Variants in ITGA8 observed in about 807,000 individuals in gnomAD.
The protein encoded by ITGA8 is integrin subunit alpha 8.
In ITGA8, 91 loss-of-function variants were observed where a neutral mutation model predicts 142.3. The observed-to-expected ratio is 0.64, with a 90% CI of 0.54 to 0.76. The LOEUF is 0.76. ITGA8 is among the 30% of genes least tolerant of loss of function. The pLI is 0.00. For synonymous variants in ITGA8, 505 were observed against 485.2 expected, an observed-to-expected ratio of 1.04 and a Z score of -0.54; for missense variants, 1,406 against 1,327.7, an observed-to-expected ratio of 1.06 and a Z score of -0.92.
chr10:15,718,572 G>A (rs1835496343), intron 2 of ITGA8, among the ~76,000 whole-genome samples, 194 bp downstream of exon 2: 2 of 152,150 alleles, frequency 1.3e-5, no homozygotes, highest in African/African-American at 4.8e-5. Context: ...TTTCTCTAGG[G>A]TTCACTAAAC....
intron 25 of ITGA8, among the ~76,000 whole-genome samples, chr10:15,565,865 C>T (rs1428263385): frequency 6.6e-6 from 1 of 151,928 alleles, no homozygotes; most frequent in Non-Finnish European, 1.5e-5. Flanking sequence ...GCTGGGATTA[C>T]AGGCATGAGC....
rs962617963 is a variant in ITGA8 at position 15,695,811 on chromosome 10, T to C, written c.344-7773A>G. On this transcript the variant is annotated intron_variant, in intron 2 of 29. Transcript: ENST00000378076. The stretch of plus-strand genomic sequence containing the variant: ...TCTGGTGACAGCCTCAGGAAGCATG[T>C]GGACATCAGCGGTGACAGATGTGAT... Among the ~76,000 whole-genome samples, 3 of 152,170 alleles carry C rather than the reference T, an allele frequency of 2.0e-5. No homozygotes were observed. In the East Asian group the frequency reaches 5.8e-4, roughly 29 times the overall value.
intron 7 of ITGA8, among the ~76,000 whole-genome samples, chr10:15,671,879 C>CAAAAAAAAAAA (rs34588118): frequency 1.3e-5 from 1 of 79,720 alleles, no homozygotes; most frequent in Non-Finnish European, 2.4e-5. Flanking sequence ...AGGAGCAAAG[C>CAAAAAAAAAAA]AAAAAAAAAA....
At chr10:15,577,721 G>A (rs909850013) in intron 23 of ITGA8, among the ~76,000 whole-genome samples, 1 of 151,976 alleles carries the variant, frequency 6.6e-6, no homozygotes, top group Non-Finnish European at 1.5e-5. Context: ...AAATTTTTTA[G>A]AAAGAAGGAA....
intron 15 of ITGA8, among the ~76,000 whole-genome samples, chr10:15,609,123 C>T (rs928654879): frequency 1.3e-5 from 2 of 152,070 alleles, no homozygotes; most frequent in African/African-American, 2.4e-5. Flanking sequence ...ATAGGATGAT[C>T]TGCACTTGGC....
At position 15,719,573 on chromosome 10, in the gene ITGA8, C is replaced by T; in HGVS notation, c.199G>A (p.Asp67Asn). Residue 67 changes from aspartate (D) to asparagine (N), a missense_variant, in exon 1 of 30, where the codon GAC becomes AAC. Physicochemically the swap from Asp to Asn is conservative, Grantham distance 23 (BLOSUM62 1). Transcript: ENST00000378076. ...FGYAVDFHIPDARTASVLVGA... is the reference protein window; with the variant it reads ...FGYAVDFHIPNARTASVLVGA... ...GGTCGGGCGACTTACGTGCGGGCGTCGGGTATGTGGAAGTCCACGGCGTAG... is the reference window on the plus strand; with the variant it reads ...GGTCGGGCGACTTACGTGCGGGCGTTGGGTATGTGGAAGTCCACGGCGTAG... 6.4e-7 allele frequency: 1 copy of T among 1,563,260 alleles called. No homozygotes were observed. The highest frequency in any genetic ancestry group is 1.2e-5 in the South Asian group (1 of 84,700).
chr10:15,709,371 T>A (rs1044056090), intron 2 of ITGA8, among the ~76,000 whole-genome samples: 1 of 152,326 alleles, frequency 6.6e-6, no homozygotes. Context: ...TTACAGAACA[T>A]TTATAAACCT....
intron 26 of ITGA8, among the ~76,000 whole-genome samples, chr10:15,551,750 A>C (rs1833796365): frequency 6.6e-6 from 1 of 152,186 alleles, no homozygotes; most frequent in Admixed American, 6.5e-5. Context: ...AAAACGTAGG[A>C]GGTCTTATTT....
At chr10:15,649,257 A>G (rs1272285276) in intron 11 of ITGA8, among the ~76,000 whole-genome samples, 2 of 151,894 alleles carry the variant, frequency 1.3e-5, no homozygotes, top group East Asian at 3.8e-4. Flanking sequence ...AACATATATC[A>G]TTATTATATA....
At chr10:15,709,408 C>T (rs74442404) in intron 2 of ITGA8, among the ~76,000 whole-genome samples, 3 of 152,228 alleles carry the variant, frequency 2.0e-5, no homozygotes, top group South Asian at 2.1e-4. Context: ...GAATGGCGCA[C>T]CCCAGAAGAA....
intron 28 of ITGA8, among the ~76,000 whole-genome samples, chr10:15,521,185 T>A (rs963042841): frequency 1.1e-4 from 11 of 101,376 alleles, no homozygotes; most frequent in Non-Finnish European, 2.0e-4. Flanking sequence ...CACCCAGCTA[T>A]TTTTTTTTTT....
At position 15,531,141 on chromosome 10, in the gene ITGA8, T is replaced by A. The variant is rs1328169735; in HGVS notation, c.2891A>T (p.Asp964Val). ...WAHTFLQRKN[D>V]PYALASLVSF... Reference sequence around the variant, plus strand: ...CACCAGGGATGCAAGAGCATAGGGATCATTTTTTCTCTGAAAGTAAAAGTA... The same window carrying A: ...CACCAGGGATGCAAGAGCATAGGGAACATTTTTTCTCTGAAAGTAAAAGTA... Residue 964 changes from aspartate to valine, a missense_variant, in exon 28 of 30, where the codon GAT (aspartate) becomes GTT (valine). Coordinates refer to ENST00000378076, the MANE Select transcript of ITGA8 (RefSeq NM_003638.3). 1.3e-6 allele frequency: 2 copies of A among 1,489,840 alleles called. No individual in the cohort carries two copies. Among genetic ancestry groups the A allele is most frequent in the Non-Finnish European group, 1.8e-6 (2 of 1,117,138 alleles). 92.3% of individuals were successfully genotyped at this position (1,489,840 alleles called of 1,614,324 possible).
intron 22 of ITGA8, among the ~76,000 whole-genome samples, chr10:15,587,632 C>T (rs1832855839): frequency 6.6e-6 from 1 of 152,038 alleles, no homozygotes; most frequent in Admixed American, 6.6e-5. Flanking sequence ...CCCACAATAC[C>T]CTGAATATAG....
chr10:15,589,428 G>A (rs922756864), intron 22 of ITGA8, among the ~76,000 whole-genome samples: 2 of 149,594 alleles, frequency 1.3e-5, no homozygotes, highest in Non-Finnish European at 3.0e-5. Flanking sequence ...CGTGTAGAGT[G>A]AGGGCATGGA....
At chr10:15,576,273 G>A (rs1044677386) in intron 23 of ITGA8, among the ~76,000 whole-genome samples, 3 of 152,036 alleles carry the variant, frequency 2.0e-5, no homozygotes, top group African/African-American at 7.3e-5. Flanking sequence ...AGAGTTAAAT[G>A]GTGTAATCCA....
chr10:15,706,013 A>G (rs1290959787), intron 2 of ITGA8, among the ~76,000 whole-genome samples: 1 of 151,978 alleles, frequency 6.6e-6, no homozygotes, highest in Admixed American at 6.6e-5. Flanking sequence ...CTCACTCCCT[A>G]AGTCATGGCC....
intron 5 of ITGA8, among the ~76,000 whole-genome samples, chr10:15,678,307 T>G (rs946064974): frequency 1.3e-5 from 2 of 152,234 alleles, no homozygotes; most frequent in Non-Finnish European, 2.9e-5. Context: ...CATCTCTTTT[T>G]AATTTTTTGA....
chr10:15,630,428 C>T (rs962734606), intron 13 of ITGA8, among the ~76,000 whole-genome samples: 11 of 152,178 alleles, frequency 7.2e-5, no homozygotes, highest in South Asian at 2.1e-4. Context: ...CAGTGAGTAA[C>T]GCCAAATCCA....
At chr10:15,680,872 A>T (rs1375001101) in intron 4 of ITGA8, among the ~76,000 whole-genome samples, 1 of 152,002 alleles carries the variant, frequency 6.6e-6, no homozygotes, top group African/African-American at 2.4e-5. Context: ...TTCCATTGCA[A>T]AGTCTTTTTT....
Sources: allele counts gnomAD v4.1 joint callset (sites outside exome capture counted in the v4.1 genomes callset), GRCh38; gene constraint gnomAD v4.1.1; transcripts MANE v1.5; gene names NCBI Gene and HGNC (gene_info 2026-07-23, HGNC 2026-07-21).